The following CACNA1E variants were observed in gnomAD, a reference collection of about 807,000 sequenced individuals.
CACNA1E encodes the protein calcium voltage-gated channel subunit alpha1 E.
A neutral mutation model predicts 259.2 loss-of-function variants in CACNA1E; 40 were observed. The observed-to-expected ratio is 0.15, with a 90% CI of 0.12 to 0.20. The LOEUF (loss-of-function observed/expected upper bound fraction) is 0.20. Ranked by LOEUF, CACNA1E falls within the 10% of genes least tolerant of loss-of-function variation. The pLI is 1.00. For synonymous variants in CACNA1E, 1,104 were observed against 1,138.5 expected, an observed-to-expected ratio of 0.97 and a Z score of 0.61; for missense variants, 1,874 against 3,040.1, an observed-to-expected ratio of 0.62 and a Z score of 9.02.
intron 2 of CACNA1E, among the ~76,000 whole-genome samples, chr1:181,471,118 A>T (rs1389544970): frequency 1.3e-5 from 2 of 152,180 alleles, no homozygotes; most frequent in South Asian, 4.1e-4. Context: ...CAGCTGATGG[A>T]CAAAAAGGGC....
chr1:181,779,372 A>T (rs1158202686), intron 38 of CACNA1E: 1 of 347,908 alleles, frequency 2.9e-6, no homozygotes, highest in African/African-American at 2.1e-5. Flanking sequence ...CATCCTCTTC[A>T]TGGCTAAGCT....
rs149952113 is a variant in CACNA1E, at chr1:181,373,699, G to A, written c.-14-39434G>A. Among the ~76,000 whole-genome samples the A allele has an allele frequency of 4.3e-3, 657 of 152,000 alleles. 5 individuals are homozygous for A. Among genetic ancestry groups the A allele is most frequent in the African/African-American group, 0.015 (622 of 41,502 alleles). On this transcript the variant is annotated intron_variant, in intron 1 of 11. Transcript: ENST00000524607. ...ACTACAGGCGCCTGCCACTACGCCC[G>A]GCTAACTTTTTGTATTTTTAGTAGA...
At chr1:181,580,918 G>C (rs1331522619) in intron 6 of CACNA1E, 142 bp downstream of exon 6, 6 of 691,570 alleles carry the variant, frequency 8.7e-6, no homozygotes, top group Non-Finnish European at 1.5e-5. Context: ...GACTCAACTG[G>C]GATAAGCCTT....
chr1:181,752,363 G>GTTCT lies in CACNA1E; in HGVS notation c.3828+127_3828+130dup. On this transcript the variant is annotated intron_variant, in intron 27 of 47. Coordinates refer to ENST00000367573, the MANE Select transcript of CACNA1E (RefSeq NM_001205293.3). Reference sequence around the variant, plus strand: ...TCCTTTTTCTCACACGGATATCGAAGTTCTTTTCATCTGCCTGAGCTAAAG... The same window carrying GTTCT: ...TCCTTTTTCTCACACGGATATCGAAGTTCTTTCTTTTCATCTGCCTGAGCTAAAG... 4.2e-6 allele frequency: 3 copies of GTTCT among 710,972 alleles called. No homozygotes were observed. In the Admixed American group the frequency reaches 7.1e-5, roughly 17 times the overall value. 44.0% of individuals were successfully genotyped at this position (710,972 alleles called of 1,614,324 possible). A position where few individuals can be genotyped will look rare whatever the true frequency, so the allele number is the denominator to read the frequency against.
intron 3 of CACNA1E, among the ~76,000 whole-genome samples, chr1:181,511,712 C>T (rs915868428): frequency 2.6e-5 from 4 of 152,020 alleles, no homozygotes; most frequent in African/African-American, 7.3e-5. Flanking sequence ...TGTGGAGATG[C>T]GTGTGGTGTT....
intron 17 of CACNA1E, among the ~76,000 whole-genome samples, chr1:181,725,376 T>C (rs1654806454): frequency 6.6e-6 from 1 of 152,250 alleles, no homozygotes; most frequent in Non-Finnish European, 1.5e-5. Context: ...ATTGGTTTCT[T>C]CATGCATGAG....
At chr1:181,770,398 C>G (rs1359953581) in intron 35 of CACNA1E, among the ~76,000 whole-genome samples, 1 of 152,166 alleles carries the variant, frequency 6.6e-6, no homozygotes, top group Non-Finnish European at 1.5e-5. Context: ...GGGAGTTCAT[C>G]ATTACTCAGT....
Position 181,568,881 on chromosome 1 carries a change from C to T in CACNA1E, c.513-8885C>T, listed in dbSNP as rs181327174. On this transcript the variant is annotated intron_variant, in intron 3 of 47. Transcript: ENST00000367573. ...TGGCCTCCATTAAGTGCTGGGATTA[C>T]AGGCGTGAGCCACTGTGCCTGGCCC... 2.6e-5 allele frequency among the ~76,000 whole-genome samples: 4 copies of T among 152,222 alleles called. No individual in the cohort carries two copies. The East Asian group carries it at 7.7e-4, about 29-fold the overall frequency.
chr1:181,559,932 A>G (rs1328661460), intron 3 of CACNA1E, among the ~76,000 whole-genome samples: 1 of 152,266 alleles, frequency 6.6e-6, no homozygotes, highest in Non-Finnish European at 1.5e-5. Flanking sequence ...CAATGTGAGA[A>G]AAAGGGTCAC....
chr1:181,526,629 T>G (rs145311394), intron 3 of CACNA1E, among the ~76,000 whole-genome samples: 1 of 152,270 alleles, frequency 6.6e-6, no homozygotes, highest in African/African-American at 2.4e-5. Flanking sequence ...AGAAATATTG[T>G]CCATTTAGCC....
At chr1:181,529,689 A>C (rs1162302831) in intron 3 of CACNA1E, among the ~76,000 whole-genome samples, 1 of 152,186 alleles carries the variant, frequency 6.6e-6, no homozygotes, top group East Asian at 1.9e-4. Flanking sequence ...TGGAGCTTTA[A>C]AATTTGACTG....
At position 181,336,518 on chromosome 1, in the gene CACNA1E, T is replaced by C. The variant is rs530703180; in HGVS notation, c.-15+18395T>C. On this transcript the variant is annotated intron_variant, in intron 1 of 11. Coordinates refer to the CACNA1E transcript ENST00000524607. ...GACTTTAGAATTCGTACTCTTTGTG[T>C]ATTGTTTATGGTTTCTTTTTTCTCT... Among the ~76,000 whole-genome samples the C allele has an allele frequency of 7.3e-4, 111 of 152,324 alleles. 1 individual carries two copies. The highest frequency in any genetic ancestry group is 1.5e-4 in the Non-Finnish European group (10 of 68,028).
intron 6 of CACNA1E, among the ~76,000 whole-genome samples, chr1:181,590,409 A>T (rs1558159614): frequency 8.0e-6 from 1 of 124,580 alleles, no homozygotes; most frequent in Non-Finnish European, 1.7e-5. Flanking sequence ...TACAAAAAAA[A>T]AAAAAAAATA....
chr1:181,669,882 G>A (rs1010503057), intron 7 of CACNA1E, among the ~76,000 whole-genome samples: 29 of 152,116 alleles, frequency 1.9e-4, no homozygotes, highest in African/African-American at 6.5e-4. Context: ...CCATTACATC[G>A]AGAAAGAGGG....
At chr1:181,424,849 T>C (rs647592) in intron 2 of CACNA1E, among the ~76,000 whole-genome samples, 152,209 of 152,216 alleles carry the variant, frequency 1, 76,101 homozygotes, top group Middle Eastern at 1. Context: ...CCTTTTGTGG[T>C]ACCATCAGAG....
intron 1 of CACNA1E, among the ~76,000 whole-genome samples, chr1:181,504,872 A>G (rs2102586419): frequency 6.6e-6 from 1 of 152,354 alleles, no homozygotes; most frequent in South Asian, 2.1e-4. Flanking sequence ...AAACTGCTAG[A>G]CTAGAAAGAG....
At chr1:181,736,620 G>A (rs1338501667) in intron 22 of CACNA1E, among the ~76,000 whole-genome samples, 186 bp downstream of exon 22, 3 of 152,306 alleles carry the variant, frequency 2.0e-5, no homozygotes, top group Middle Eastern at 3.4e-3. Context: ...AAGTTAGTCA[G>A]CCTCTGAACT....
intron 7 of CACNA1E, among the ~76,000 whole-genome samples, chr1:181,698,501 G>T (rs1019771423): frequency 1.3e-5 from 2 of 152,180 alleles, no homozygotes; most frequent in East Asian, 3.9e-4. Context: ...TCAATAACTT[G>T]CCTGTGGTCT....
chr1:181,588,512 C>G (rs1402819185), intron 6 of CACNA1E, among the ~76,000 whole-genome samples: 6 of 152,214 alleles, frequency 3.9e-5, no homozygotes, highest in Non-Finnish European at 8.8e-5. Flanking sequence ...AGTCTCCACC[C>G]TGAAGTTATT....
Sources: allele counts gnomAD v4.1 joint callset (sites outside exome capture counted in the v4.1 genomes callset), GRCh38; gene constraint gnomAD v4.1.1; transcripts MANE v1.5; gene names NCBI Gene and HGNC (gene_info 2026-07-23, HGNC 2026-07-21).